AHCYL1: variants seen among roughly 807,000 people sequenced by gnomAD.
The protein encoded by AHCYL1 is adenosylhomocysteinase like 1, also known as S-adenosylhomocysteine hydrolase-like protein 1.
AHCYL1 carries 20 observed loss-of-function variants against 79.3 expected under a neutral mutation model. That is an observed-to-expected ratio of 0.25 (90% CI 0.18 to 0.37). AHCYL1 has a LOEUF of 0.37. Ranked by LOEUF, AHCYL1 falls within the 10% of genes least tolerant of loss-of-function variation. The pLI, the probability that AHCYL1 is intolerant of heterozygous loss-of-function variation, is 1.00. For missense variants in AHCYL1, 330 were observed against 673.6 expected, an observed-to-expected ratio of 0.49 and a Z score of 5.65; for synonymous variants, 223 against 242.2, an observed-to-expected ratio of 0.92 and a Z score of 0.74.
chr1:109,995,763 G>A (rs1557761609), intron 1 of AHCYL1: 4 of 881,222 alleles, frequency 4.5e-6, no homozygotes, highest in Non-Finnish European at 4.1e-6. Flanking sequence ...AACTAGAGCT[G>A]TGTAATCAGA....
intron 1 of AHCYL1, among the ~76,000 whole-genome samples, chr1:109,990,623 C>T (rs892579735): frequency 6.6e-6 from 1 of 152,176 alleles, no homozygotes; most frequent in Non-Finnish European, 1.5e-5. Context: ...ATAGAGCTTA[C>T]AGCTACTGAA....
At chr1:110,008,176 C>G (rs1304500515) in intron 1 of AHCYL1, among the ~76,000 whole-genome samples, 2 of 152,060 alleles carry the variant, frequency 1.3e-5, no homozygotes, top group Non-Finnish European at 2.9e-5. Flanking sequence ...CACCCGCCAC[C>G]AAGCCCAGCT....
Position 110,021,765 on chromosome 1 carries a change from T to A in AHCYL1, c.*85T>A. On this transcript the variant is annotated 3_prime_UTR_variant, in exon 17 of 17. Transcript: ENST00000369799. ...AAGATAACTTTTATTTTCTTCTTAC[T>A]CCTTTCCTCTTGATTTTTTTCCTAT... 1 of 1,406,476 alleles carries A rather than the reference T, an allele frequency of 7.1e-7. No individual in the cohort carries two copies. Among genetic ancestry groups the A allele is most frequent in the Non-Finnish European group, 9.8e-7 (1 of 1,015,898 alleles). The allele number at this position is 1,406,476 out of a possible 1,614,324, so 87.1% of individuals were successfully genotyped here.
Position 109,984,982 on chromosome 1 carries a change from C to A in AHCYL1, c.-71C>A, listed in dbSNP as rs1395957300. On this transcript the variant is annotated 5_prime_UTR_variant, in exon 1 of 17. Coordinates refer to ENST00000369799, the MANE Select transcript of AHCYL1 (RefSeq NM_006621.7). ...CGCGTGTCGGAGGGCGCCGCGCGGG[C>A]AGGCGGGCGGGCGCCAGAGGGGGAA... The A allele has an allele frequency of 1.5e-6, 2 of 1,376,384 alleles. No individual in the cohort carries two copies. Among genetic ancestry groups the A allele is most frequent in the Non-Finnish European group, 1.9e-6 (2 of 1,067,220 alleles). 85.3% of individuals were successfully genotyped at this position (1,376,384 alleles called of 1,614,324 possible). A position where few individuals can be genotyped will look rare whatever the true frequency, so the allele number is the denominator to read the frequency against.
intron 11 of AHCYL1, 92 bp downstream of exon 11, chr1:110,018,108 T>C: frequency 7.3e-7 from 1 of 1,365,146 alleles, no homozygotes; most frequent in Non-Finnish European, 1.0e-6. Context: ...AGACCTCTGT[T>C]CAGTATAAAG....
chr1:110,013,369 T>C (rs1651178783), intron 5 of AHCYL1, among the ~76,000 whole-genome samples: 1 of 152,234 alleles, frequency 6.6e-6, no homozygotes, highest in Non-Finnish European at 1.5e-5. Flanking sequence ...AGTATGGCAT[T>C]GAAAATATAT....
chr1:109,985,777 G>C (rs982732192), intron 1 of AHCYL1, among the ~76,000 whole-genome samples: 14 of 152,172 alleles, frequency 9.2e-5, no homozygotes, highest in African/African-American at 3.4e-4. Flanking sequence ...GTTGGTGACA[G>C]CAGACACTGT....
chr1:110,016,353 G>A lies in AHCYL1; in HGVS notation c.792G>A (p.Gln264=). ...CCTCTTCTCTCTTTAGGCTGTATCA[G>A]CTCTCCAAAGCTGGGAAGCTCTGTG... is the stretch of plus-strand genomic sequence containing the variant. ...ESVTGVHRLY[Q]LSKAGKLCVP... is the part of the protein sequence containing the mutation. Residue 264 remains glutamine, a synonymous_variant, in exon 8 of 17, where the codon CAG becomes CAA. Transcript: ENST00000369799. 1 of 1,612,654 alleles carries A rather than the reference G, an allele frequency of 6.2e-7. No homozygotes were observed. Among genetic ancestry groups the A allele is most frequent in the Non-Finnish European group, 8.5e-7 (1 of 1,179,490 alleles).
In AHCYL1 at chr1:110,022,026, C is replaced by A. The variant is rs1651833358; in HGVS notation, c.*346C>A. On this transcript the variant is annotated 3_prime_UTR_variant, in exon 17 of 17. Transcript: ENST00000369799. ...TAAGGTACCTTCTCTGTGGAACAAT[C>A]TGCAATGTCTAAATCGCCTTAAAAG... 1 of 228,354 alleles carries A rather than the reference C, an allele frequency of 4.4e-6. No individual in the cohort carries two copies. Among genetic ancestry groups the A allele is most frequent in the Non-Finnish European group, 8.5e-6 (1 of 117,780 alleles). The allele number at this position is 228,354 out of a possible 1,614,324, so 14.1% of individuals were successfully genotyped here. A position where few individuals can be genotyped will look rare whatever the true frequency, so the allele number is the denominator to read the frequency against.
intron 1 of AHCYL1, among the ~76,000 whole-genome samples, chr1:109,998,602 T>A (rs1461332763): frequency 6.6e-6 from 1 of 152,176 alleles, no homozygotes; most frequent in Non-Finnish European, 1.5e-5. Context: ...CTCAGCCTCC[T>A]GAGTAGCTGG....
Position 110,022,089 on chromosome 1 carries a change from C to A in AHCYL1, c.*409C>A. 1 of 166,988 alleles carries A rather than the reference C, an allele frequency of 6.0e-6. No homozygotes were observed. The highest frequency in any genetic ancestry group is 1.3e-5 in the Non-Finnish European group (1 of 77,714). 10.3% of individuals were successfully genotyped at this position (166,988 alleles called of 1,614,324 possible). A position where few individuals can be genotyped will look rare whatever the true frequency, so the allele number is the denominator to read the frequency against. ...AGCTGCTGAAATCAGTGCTCTTTCA[C>A]TTCTTCAGAGAAGCAGGGATGGTAC... On this transcript the variant is annotated 3_prime_UTR_variant, in exon 17 of 17. Coordinates refer to ENST00000369799, the MANE Select transcript of AHCYL1 (RefSeq NM_006621.7).
chr1:110,007,337 G>A (rs1650720580), intron 1 of AHCYL1, among the ~76,000 whole-genome samples: 1 of 152,172 alleles, frequency 6.6e-6, no homozygotes, highest in Non-Finnish European at 1.5e-5. Flanking sequence ...AGTGTTAAGA[G>A]GGGTTGATGG....
At position 110,022,342 on chromosome 1, in the gene AHCYL1, A is replaced by T. The variant is rs1651855974; in HGVS notation, c.*662A>T. 1.3e-5 allele frequency: 2 copies of T among 151,760 alleles called. No homozygotes were observed. Among genetic ancestry groups the T allele is most frequent in the African/African-American group, 4.8e-5 (2 of 41,274 alleles). 9.4% of individuals were successfully genotyped at this position (151,760 alleles called of 1,614,324 possible). On this transcript the variant is annotated 3_prime_UTR_variant, in exon 17 of 17. Transcript: ENST00000369799. Reference sequence around the variant, plus strand: ...AACTAGACTACACTCTATTGAGTTTAATTTTGTCCTCTAGGATTTATTTCT... The same window carrying T: ...AACTAGACTACACTCTATTGAGTTTTATTTTGTCCTCTAGGATTTATTTCT...
chr1:110,015,213 A>G (rs1404943547), intron 6 of AHCYL1, among the ~76,000 whole-genome samples: 3 of 152,226 alleles, frequency 2.0e-5, no homozygotes, highest in Non-Finnish European at 4.4e-5. Flanking sequence ...AATACTCATC[A>G]CTGTAGCCTA....
In AHCYL1 at chr1:109,984,828, C is replaced by G; in HGVS notation, c.-225C>G. On this transcript the variant is annotated 5_prime_UTR_variant, in exon 1 of 17. Transcript: ENST00000369799. ...GCGGGCAGGTCGGAGCTCGGAGCTG[C>G]TGTTCTGGTTCTCTTGTGGCCGCCG... 1 of 342,060 alleles carries G rather than the reference C, an allele frequency of 2.9e-6. No individual in the cohort carries two copies. Among genetic ancestry groups the G allele is most frequent in the South Asian group, 7.4e-5 (1 of 13,472 alleles). 21.2% of individuals were successfully genotyped at this position (342,060 alleles called of 1,614,324 possible). A position where few individuals can be genotyped will look rare whatever the true frequency, so the allele number is the denominator to read the frequency against.
chr1:109,994,068 T>C (rs1557760525), intron 1 of AHCYL1, among the ~76,000 whole-genome samples: 1 of 152,226 alleles, frequency 6.6e-6, no homozygotes, highest in Non-Finnish European at 1.5e-5. Flanking sequence ...GCTCAAAAGC[T>C]ATACATGCCC....
At chr1:109,985,226 A>T in intron 1 of AHCYL1, 54 bp downstream of exon 1, 1 of 1,571,138 alleles carries the variant, frequency 6.4e-7, no homozygotes, top group Middle Eastern at 1.8e-4. Flanking sequence ...CGCGGAAGGG[A>T]CGCGAGCAAG....
intron 10 of AHCYL1, 51 bp downstream of exon 10, chr1:110,017,634 A>C: frequency 6.4e-7 from 1 of 1,560,162 alleles, no homozygotes; most frequent in Non-Finnish European, 8.8e-7. Context: ...GCTTTATGTT[A>C]TTGAGAGTTC....
chr1:109,999,251 A>G (rs1357023574), intron 1 of AHCYL1, among the ~76,000 whole-genome samples: 1 of 152,140 alleles, frequency 6.6e-6, no homozygotes, highest in Non-Finnish European at 1.5e-5. Flanking sequence ...TATATCCATC[A>G]CCTCATAGTT....
Sources: gnomAD v4.1 joint callset for allele counts (sites outside exome capture counted in the v4.1 genomes callset) on GRCh38, gnomAD v4.1.1 for gene constraint, MANE v1.5 for transcripts, NCBI Gene and HGNC (gene_info 2026-07-23, HGNC 2026-07-21) for gene names.